Variants in TRIM37 observed in about 807,000 individuals in gnomAD.
TRIM37 encodes E3 ubiquitin-protein ligase TRIM37.
A neutral mutation model predicts 129.8 loss-of-function variants in TRIM37; 80 were observed. That is an observed-to-expected ratio of 0.62 (90% confidence interval 0.51 to 0.74). TRIM37 has a LOEUF of 0.74. Ranked by LOEUF, TRIM37 falls within the 30% of genes least tolerant of loss-of-function variation. The probability of loss-of-function intolerance (pLI) is 0.00; values close to 1 mark genes in which losing one functional copy is unlikely to be tolerated. For synonymous variants in TRIM37, 389 were observed against 387.1 expected, an observed-to-expected ratio of 1.00 and a Z score of -0.06; for missense variants, 1,054 against 1,176.5, an observed-to-expected ratio of 0.90 and a Z score of 1.52.
At chr17:59,041,760 G>A in intron 17 of TRIM37, 53 bp downstream of exon 17, 6 of 1,315,866 alleles carry the variant, frequency 4.6e-6, no homozygotes, top group Non-Finnish European at 6.6e-6. Context: ...TACAGTCAGA[G>A]AAGAGCAGAG....
rs2043214160 is a variant in TRIM37, at chr17:59,081,085, T to C, written c.492+12A>G. On this transcript the variant is annotated intron_variant, in intron 6 of 23. Coordinates refer to ENST00000262294, the MANE Select transcript of TRIM37 (RefSeq NM_015294.6). Reference sequence around the variant, plus strand: ...TAAAAACAAAATAATTATATTTTAGTAGTAGTCTTACCACTTCTTGAACTA... The same window carrying C: ...TAAAAACAAAATAATTATATTTTAGCAGTAGTCTTACCACTTCTTGAACTA... 6.3e-7 allele frequency: 1 copy of C among 1,583,528 alleles called. No homozygotes were observed. The highest frequency in any genetic ancestry group is 8.6e-7 in the Non-Finnish European group (1 of 1,158,034).
downstream of TRIM37, chr17:58,980,439 C>T (rs2031287810): frequency 1.9e-6 from 3 of 1,613,996 alleles, no homozygotes; most frequent in East Asian, 2.2e-5. This position sits in a 1 kb window ranked among gnomAD's most constrained non-coding sequence, Gnocchi z 4.7. Flanking sequence ...AGCCCAGGGT[C>T]CCAAATCAAC....
intron 2 of TRIM37, among the ~76,000 whole-genome samples, chr17:59,097,903 T>A (rs1402075428): frequency 6.6e-6 from 1 of 152,222 alleles, no homozygotes. Context: ...ATCAATGTAA[T>A]CCCTACTAAA....
At chr17:59,073,257 A>G (rs577885357) in intron 8 of TRIM37, 2 of 152,146 alleles carry the variant, frequency 1.3e-5, no homozygotes, top group South Asian at 4.1e-4. Flanking sequence ...CTATCAGGCT[A>G]TATCACCATG....
At chr17:59,012,242 C>G (rs878857188) in intron 22 of TRIM37, 86 bp downstream of exon 22, 2,846 of 568,686 alleles carry the variant, frequency 5.0e-3, no homozygotes, top group Non-Finnish European at 7.4e-3. Flanking sequence ...ACCACCACCA[C>G]CACCACCACC....
chr17:58,976,704 T>C, the TRIM37 span, among the ~76,000 whole-genome samples: 1 of 152,152 alleles, frequency 6.6e-6, no homozygotes, highest in Non-Finnish European at 1.5e-5. Flanking sequence ...GGGGGCGAAA[T>C]GTCATGAATT....
intron 2 of TRIM37, among the ~76,000 whole-genome samples, chr17:59,095,182 C>CT (rs1274000240): frequency 6.6e-6 from 1 of 151,846 alleles, no homozygotes; most frequent in Non-Finnish European, 1.5e-5. Context: ...ATGCCACTGT[C>CT]TCTAGCCTGG....
intron 19 of TRIM37, among the ~76,000 whole-genome samples, chr17:59,022,733 GGTTTAGTAACCTT>G (rs1469669959): frequency 4.8e-4 from 73 of 152,224 alleles, no homozygotes; most frequent in African/African-American, 1.7e-3. Context: ...TTACTAAACA[GGTTTAGTAACCTT>G]TAGTTACTAA....
intron 7 of TRIM37, 101 bp from the exon 8 acceptor site, chr17:59,075,815 A>G (rs2042768386): frequency 1.1e-6 from 1 of 918,668 alleles, no homozygotes; most frequent in South Asian, 1.4e-5. Flanking sequence ...ATACACTTCA[A>G]GTAAGCAAAA....
intron 11 of TRIM37, 60 bp from the exon 12 acceptor site, chr17:59,061,168 A>G (rs1457982328): frequency 2.3e-6 from 3 of 1,316,392 alleles, no homozygotes; most frequent in East Asian, 2.3e-5. Context: ...AACAAAATGC[A>G]GATAATATCT....
rs1173054913 is a variant in TRIM37, at chr17:59,102,901, T to A, written c.123+1392A>T. Among the ~76,000 whole-genome samples, 3 of 151,942 alleles carry A rather than the reference T, an allele frequency of 2.0e-5. No homozygotes were observed. The East Asian group carries it at 5.8e-4, about 29-fold the overall frequency. On this transcript the variant is annotated intron_variant, in intron 2 of 23. Transcript: ENST00000262294. ...AATTTTTTTTTTTTTTGAGACGAAG[T>A]CTCGCTCTGTCGCCAGGCTGGAGTG...
intron 22 of TRIM37, among the ~76,000 whole-genome samples, chr17:59,001,982 A>T (rs1455717546): frequency 6.6e-6 from 1 of 152,146 alleles, no homozygotes; most frequent in Admixed American, 6.5e-5. Context: ...TGAAACCAGC[A>T]TTAATTTTAT....
chr17:59,012,244 A>ACCCCCC, intron 22 of TRIM37, 84 bp downstream of exon 22: 1 of 852,360 alleles, frequency 1.2e-6, no homozygotes, highest in African/African-American at 1.7e-5. Flanking sequence ...CACCACCACC[A>ACCCCCC]CCACCACCAC....
intron 22 of TRIM37, among the ~76,000 whole-genome samples, chr17:59,003,193 T>C (rs1485333502): frequency 2.0e-5 from 3 of 152,132 alleles, no homozygotes; most frequent in African/African-American, 4.8e-5. Flanking sequence ...AAAATTCCTA[T>C]TGAAAGAACA....
chr17:59,098,189 A>G (rs2045091870), intron 2 of TRIM37, among the ~76,000 whole-genome samples: 1 of 152,226 alleles, frequency 6.6e-6, no homozygotes, highest in South Asian at 2.1e-4. Flanking sequence ...ATGTAAAGAC[A>G]GAAGGTAGAA....
chr17:59,057,813 T>C (rs1370875278), intron 12 of TRIM37, among the ~76,000 whole-genome samples: 1 of 152,162 alleles, frequency 6.6e-6, no homozygotes, highest in African/African-American at 2.4e-5. Flanking sequence ...TGTGAGCCAC[T>C]GCGCCCAGCC....
chr17:59,056,949 A>G lies in TRIM37; in HGVS notation c.1125T>C (p.Tyr375=), dbSNP rs753906295. Residue 375 remains tyrosine, a synonymous_variant, in exon 13 of 24, where the codon TAT becomes TAC. Transcript: ENST00000262294. ...GTAAGTCCAAACGGAAAAATCTATTATAGCCCCAGCATTCTCCAACTTCAA... is the reference window on the plus strand; with the variant it reads ...GTAAGTCCAAACGGAAAAATCTATTGTAGCCCCAGCATTCTCCAACTTCAA... ...SDFEVGECWG[Y]NRFFRLDLLA... 6.2e-7 allele frequency: 1 copy of G among 1,613,880 alleles called. No individual in the cohort carries two copies. Among genetic ancestry groups the G allele is most frequent in the East Asian group, 2.2e-5 (1 of 44,816 alleles).
At chr17:59,022,421 A>G (rs1393721126) in intron 19 of TRIM37, among the ~76,000 whole-genome samples, 2 of 152,224 alleles carry the variant, frequency 1.3e-5, no homozygotes, top group Non-Finnish European at 2.9e-5. Context: ...ACACAGCTTC[A>G]GTTTAAAAAG....
At chr17:59,058,600 G>A (rs1251121037) in intron 12 of TRIM37, among the ~76,000 whole-genome samples, 2 of 152,194 alleles carry the variant, frequency 1.3e-5, no homozygotes, top group Non-Finnish European at 2.9e-5. Context: ...GCTAACACCT[G>A]TAATCCCAGC....
Sources: gnomAD v4.1 joint callset for allele counts (sites outside exome capture counted in the v4.1 genomes callset) on GRCh38, gnomAD v4.1.1 for gene constraint, Gnocchi (gnomAD v3.1) non-coding constraint, MANE v1.5 for transcripts, NCBI Gene and HGNC (gene_info 2026-07-23, HGNC 2026-07-21) for gene names.